IRS4: variants seen among roughly 807,000 people sequenced by gnomAD.
The protein encoded by IRS4 is 160 kDa phosphotyrosine protein.
Under a neutral mutation model 48.6 loss-of-function variants are expected in IRS4, and 15 were observed. The ratio of observed to expected loss-of-function variants is 0.31; its 90% CI spans 0.21 to 0.48. IRS4 has a LOEUF of 0.48. Among genes scored for constraint, IRS4 ranks in the 20% least tolerant of loss-of-function variants. The pLI, the probability that IRS4 is intolerant of heterozygous loss-of-function variation, is 0.99. For missense variants in IRS4, 987 were observed against 1,023.4 expected, an observed-to-expected ratio of 0.96 and a Z score of 0.49; for synonymous variants, 459 against 413.2, an observed-to-expected ratio of 1.11 and a Z score of -1.34.
At position 108,734,222 on chromosome X, in the gene IRS4, G is replaced by A; in HGVS notation, c.2123C>T (p.Ala708Val). The change falls in exon 1 of 2, where the codon GCC becomes GTC. Residue 708 changes from alanine (A) to valine (V), a missense_variant. This residue lies in a region of IRS4 where 720 missense variants were observed against 660.3 expected (regional missense o/e 1.09). Transcript: ENST00000372129. Reference protein sequence around the residue: ...DPYVPMRPGVATPLVSSSDYM... With the variant: ...DPYVPMRPGVVTPLVSSSDYM... ...ATCACTGGAGCTTACAAGAGGGGTG[G>A]CCACCCCTGGCCTCATTGGCACGTA... 8.3e-7 allele frequency: 1 copy of A among 1,210,963 alleles called. No individual in the cohort carries two copies. The highest frequency in any genetic ancestry group is 1.7e-5 in the African/African-American group (1 of 57,495).
At position 108,732,732 on chromosome X, in the gene IRS4, C is replaced by G. The variant is rs909426639; in HGVS notation, c.3613G>C (p.Gly1205Arg). ...GGAGCGGCAGCTGCAGCGGCAGCCC[C>G]GCCAGCCTGGTTATCACCTCTGGCA... Reference protein sequence around the residue: ...NLARGDNQAGGAAAAAAAPEP... With the variant: ...NLARGDNQAGRAAAAAAAPEP... The change falls in exon 1 of 2, where the codon GGG becomes CGG. Residue 1205 changes from glycine (G) to arginine (R), a missense_variant. Physicochemically the swap from Gly to Arg is moderately radical, Grantham distance 125. Transcript: ENST00000372129. The G allele has an allele frequency of 8.3e-7, 1 of 1,211,282 alleles. No individual in the cohort carries two copies. The highest frequency in any genetic ancestry group is 1.1e-6 in the Non-Finnish European group (1 of 895,211).
At position 108,734,192 on chromosome X, in the gene IRS4, A is replaced by G; in HGVS notation, c.2153T>C (p.Met718Thr). 8.3e-7 allele frequency: 1 copy of G among 1,211,163 alleles called. No homozygotes were observed. Among genetic ancestry groups the G allele is most frequent in the Non-Finnish European group, 1.1e-6 (1 of 895,380 alleles). ...AGAGACATTTTGAGGAGCCATTGGC[A>G]TATAATCACTGGAGCTTACAAGAGG... ...ATPLVSSSDYMPMAPQNVSAS... is the reference protein window; with the variant it reads ...ATPLVSSSDYTPMAPQNVSAS... Residue 718 changes from methionine (M) to threonine (T), a missense_variant, in exon 1 of 2, where the codon ATG becomes ACG. This residue lies in a region of IRS4 where 720 missense variants were observed against 660.3 expected (regional missense o/e 1.09). Coordinates refer to ENST00000372129, the MANE Select transcript of IRS4 (RefSeq NM_001379150.1).
At chrX:108,729,018 TTTAA>T (rs1228305322) in intron 1 of IRS4, among the ~76,000 whole-genome samples, 13 of 112,097 alleles carry the variant, frequency 1.2e-4, no homozygotes, top group African/African-American at 4.2e-4. Context: ...TGAAGTCCTC[TTTAA>T]TTGTTAGAGG....
rs749346215 is a variant in IRS4 at position 108,734,773 on chromosome X, G to T, written c.1572C>A (p.Gly524=). 9.1e-6 allele frequency: 11 copies of T among 1,209,024 alleles called. No homozygotes were observed. The East Asian group carries it at 2.7e-4, about 29-fold the overall frequency. ...SHSSGGNQCS[G]EGQGSRGGQG... ...GACCACCTCGGGATCCCTGTCCCTCGCCTGAACACTGGTTTCCTCCCGAGC... is the reference window on the plus strand; with the variant it reads ...GACCACCTCGGGATCCCTGTCCCTCTCCTGAACACTGGTTTCCTCCCGAGC... Residue 524 remains glycine (G), a synonymous_variant, in exon 1 of 2, where the codon GGC becomes GGA. Transcript: ENST00000372129.
At chrX:108,732,394 T>G in intron 1 of IRS4, 185 bp downstream of exon 1, 1 of 710,042 alleles carries the variant, frequency 1.4e-6, no homozygotes, top group Admixed American at 3.4e-5. Context: ...AAGAAATTGA[T>G]TAGATAAAAA....
rs752922829 is a variant in IRS4, at chrX:108,736,366, G to A, written c.-22C>T. 5 of 1,210,683 alleles carry A rather than the reference G, an allele frequency of 4.1e-6. No homozygotes were observed. The Admixed American group carries it at 6.5e-5, about 16-fold the overall frequency. On this transcript the variant is annotated 5_prime_UTR_variant, in exon 1 of 2. Transcript: ENST00000372129. ...CCATGGTGATGCACGATGGTTTTAA[G>A]GTGAGCGAGGAGGAGGGGGAATTCA...
rs2068858919 is a variant in IRS4, at chrX:108,722,363, A to G, written c.*156T>C. On this transcript the variant is annotated 3_prime_UTR_variant, in exon 2 of 2. Transcript: ENST00000372129. Reference sequence around the variant, plus strand: ...ATGATCTGCATGAATAGGATCATTCAATTGCCAGAGTCCACTTGTAGGCTT... The same window carrying G: ...ATGATCTGCATGAATAGGATCATTCGATTGCCAGAGTCCACTTGTAGGCTT... The G allele has an allele frequency of 4.1e-6, 1 of 243,021 alleles. No individual in the cohort carries two copies. The highest frequency in any genetic ancestry group is 2.8e-5 in the African/African-American group (1 of 35,457). The allele number at this position is 243,021 out of a possible 1,213,427, so 20.0% of individuals were successfully genotyped here. A position where few individuals can be genotyped will look rare whatever the true frequency, so the allele number is the denominator to read the frequency against.
intron 1 of IRS4, chrX:108,724,008 TA>T (rs2068864941): frequency 1.8e-5 from 2 of 112,482 alleles, no homozygotes; most frequent in South Asian, 3.6e-4. Context: ...GTATTTCACC[TA>T]GTTTAGTTTA....
rs767895833 is a variant in IRS4 at position 108,722,069 on chromosome X, T to G, written c.*450A>C. The G allele has an allele frequency of 8.9e-6, 1 of 112,390 alleles. No homozygotes were observed. The highest frequency in any genetic ancestry group is 1.9e-5 in the Non-Finnish European group (1 of 53,391). 9.3% of individuals were successfully genotyped at this position (112,390 alleles called of 1,213,427 possible). A position where few individuals can be genotyped will look rare whatever the true frequency, so the allele number is the denominator to read the frequency against. ...ATACCTTCCTTCCAATTATGACAGC[T>G]GTTTTTTCTTTATGTGCCCTGGTTT... On this transcript the variant is annotated 3_prime_UTR_variant, in exon 2 of 2. Transcript: ENST00000372129.
At chrX:108,725,898 C>T (rs1032077935) in intron 1 of IRS4, 2 of 111,888 alleles carry the variant, frequency 1.8e-5, no homozygotes, top group Non-Finnish European at 3.8e-5. Flanking sequence ...TTACACCTGC[C>T]CTTTGTTAGC....
chrX:108,727,288 T>C (rs2068881062), intron 1 of IRS4, among the ~76,000 whole-genome samples: 1 of 112,196 alleles, frequency 8.9e-6, no homozygotes, highest in Non-Finnish European at 1.9e-5. Context: ...TCTAAAACAG[T>C]ATATAATTTA....
In IRS4 at chrX:108,721,699, T is replaced by C. The variant is rs1374943009; in HGVS notation, c.*820A>G. 2.7e-5 allele frequency: 3 copies of C among 111,130 alleles called. No individual in the cohort carries two copies. Among genetic ancestry groups the C allele is most frequent in the Non-Finnish European group, 5.7e-5 (3 of 53,017 alleles). 9.2% of individuals were successfully genotyped at this position (111,130 alleles called of 1,213,427 possible). On this transcript the variant is annotated 3_prime_UTR_variant, in exon 2 of 2. Coordinates refer to ENST00000372129, the MANE Select transcript of IRS4 (RefSeq NM_001379150.1). ...GACTTTTGAAGAGCTTTGTTTCTTT[T>C]AGGAGGTAAATGTAGGTTTCACAAT...
chrX:108,733,183 G>A lies in IRS4; in HGVS notation c.3162C>T (p.Cys1054=). 8.3e-7 allele frequency: 1 copy of A among 1,211,615 alleles called. No individual in the cohort carries two copies. Residue 1054 remains cysteine, a synonymous_variant, in exon 1 of 2, where the codon TGC becomes TGT. Coordinates refer to ENST00000372129, the MANE Select transcript of IRS4 (RefSeq NM_001379150.1). ...RIYVVDPFSE[C]CMDISLSPSR... is the part of the protein sequence containing the mutation. ...TGGGGGAGAGAGAAATATCCATACA[G>A]CACTCAGAAAATGGGTCGACCACAT...
Position 108,735,121 on chromosome X carries a change from G to A in IRS4, c.1224C>T (p.His408=), listed in dbSNP as rs763072171. The change falls in exon 1 of 2, where the codon CAC becomes CAT. Residue 408 remains histidine (H), a synonymous_variant. Transcript: ENST00000372129. ...GCAGGTGCAGTCTTCCTCGCCTGGAGTGGGCCACAGGCTCGCTGGGTGTTA... is the reference window on the plus strand; with the variant it reads ...GCAGGTGCAGTCTTCCTCGCCTGGAATGGGCCACAGGCTCGCTGGGTGTTA... ...RFVTPSEPVA[H]SRRGRLHLPR... The A allele has an allele frequency of 8.3e-7, 1 of 1,211,746 alleles. No homozygotes were observed. The highest frequency in any genetic ancestry group is 3.0e-5 in the East Asian group (1 of 33,834).
At position 108,732,686 on chromosome X, in the gene IRS4, C is replaced by A. The variant is rs145918034; in HGVS notation, c.3659G>T (p.Arg1220Leu). ...TCTCTCCGGGGGTCTTGGCACCCGG[C>A]GACTGCGAGGTGGTGGTTCCGGAGC... ...AAAPEPPPRS[R>L]RVPRPPERED... is the part of the protein sequence containing the mutation. The change falls in exon 1 of 2, where the codon CGC becomes CTC. Residue 1220 changes from arginine (R) to leucine (L), a missense_variant. This residue lies in a region of IRS4 where 720 missense variants were observed against 660.3 expected (regional missense o/e 1.09). Transcript: ENST00000372129. The A allele has an allele frequency of 1.7e-4, 200 of 1,209,864 alleles. No homozygotes were observed. In the African/African-American group the frequency reaches 3.3e-3, roughly 20 times the overall value.
rs773851766 is a variant in IRS4, at chrX:108,734,298, C to A, written c.2047G>T (p.Ala683Ser). ...VKDAEIPEGA[A>S]RGPHRARAFD... ...GCTCTGGCTCTGTGGGGACCTCGAG[C>A]TGCACCTTCTGGGATCTCTGCATCT... The change falls in exon 1 of 2, where the codon GCT becomes TCT. Residue 683 changes from alanine (A) to serine (S), a missense_variant. Physicochemically the swap from Ala to Ser is moderately conservative, Grantham distance 99. Around this residue, in one of 4 missense-constraint regions of IRS4, gnomAD observed 720 missense variants for 660.3 expected, o/e 1.09. Transcript: ENST00000372129. 1.1e-5 allele frequency: 13 copies of A among 1,208,859 alleles called. No individual in the cohort carries two copies. The African/African-American group carries it at 1.9e-4, about 18-fold the overall frequency.
intron 1 of IRS4, chrX:108,725,894 C>T (rs1260057098): frequency 8.9e-6 from 1 of 112,022 alleles, no homozygotes; most frequent in African/African-American, 3.2e-5. Context: ...CGTTTTACAC[C>T]TGCCCTTTGT....
chrX:108,721,086 T>A lies in IRS4; in HGVS notation c.*1433A>T, dbSNP rs1034381691. Reference sequence around the variant, plus strand: ...TTTAACAGAGTTTACACACAACAGGTACATCTACAATCACATGTACACAGG... The same window carrying A: ...TTTAACAGAGTTTACACACAACAGGAACATCTACAATCACATGTACACAGG... On this transcript the variant is annotated 3_prime_UTR_variant, in exon 2 of 2. Transcript: ENST00000372129. 1 of 112,822 alleles carries A rather than the reference T, an allele frequency of 8.9e-6. No homozygotes were observed. The highest frequency in any genetic ancestry group is 3.2e-5 in the African/African-American group (1 of 31,086). 9.3% of individuals were successfully genotyped at this position (112,822 alleles called of 1,213,427 possible). A position where few individuals can be genotyped will look rare whatever the true frequency, so the allele number is the denominator to read the frequency against.
intron 1 of IRS4, among the ~76,000 whole-genome samples, chrX:108,730,298 A>ACACCACCAC (rs1177982399): frequency 8.5e-5 from 9 of 105,748 alleles, no homozygotes; most frequent in Non-Finnish European, 1.8e-4. Flanking sequence ...ACCACCATCA[A>ACACCACCAC]CACCACCACC....
Sources: gnomAD v4.1 joint callset for allele counts (sites outside exome capture counted in the v4.1 genomes callset) on GRCh38, gnomAD v4.1.1 for gene constraint, gnomAD v4.1.1 regional missense constraint, MANE v1.5 for transcripts, NCBI Gene and HGNC (gene_info 2026-07-23, HGNC 2026-07-21) for gene names.